EEF1AKMT2: variants seen among roughly 807,000 people sequenced by gnomAD.
The protein encoded by EEF1AKMT2 is EEF1A lysine methyltransferase 2, also known as eukaryotic translation elongation factor 1 alpha lysine methyltransferase 2.
Under a neutral mutation model 35.8 loss-of-function variants are expected in EEF1AKMT2, and 32 were observed. The ratio of observed to expected loss-of-function variants is 0.89; its 90% CI spans 0.67 to 1.20. The LOEUF is 1.20. Among genes scored for constraint, EEF1AKMT2 ranks in the 50% most tolerant of loss-of-function variants. The probability of loss-of-function intolerance (pLI) is 0.00; values close to 1 mark genes in which losing one functional copy is unlikely to be tolerated. For synonymous variants in EEF1AKMT2, 121 were observed against 133.7 expected (o/e 0.91, Z 0.65); for missense variants, 330 against 347.5 (o/e 0.95, Z 0.40).
At position 124,765,557 on chromosome 10, in the gene EEF1AKMT2, T is replaced by C; in HGVS notation, c.451A>G (p.Ile151Val). Residue 151 changes from isoleucine (I) to valine (V), a missense_variant, in exon 5 of 7, where the codon ATT becomes GTT. By Grantham distance (29) the Ile-to-Val change is conservative (BLOSUM62 3). Transcript: ENST00000368836. Reference protein sequence around the residue: ...STQLSGFHICIDKGTFDAISL... With the variant: ...STQLSGFHICVDKGTFDAISL... ...ATGGCATCAAAAGTCCCTTTGTCAA[T>C]ACAAATATGAAATCCAGACAGCTGT... 6.2e-7 allele frequency: 1 copy of C among 1,613,908 alleles called. No individual in the cohort carries two copies. The highest frequency in any genetic ancestry group is 8.5e-7 in the Non-Finnish European group (1 of 1,179,896).
At chr10:124,767,054 G>T (rs530509459) in intron 4 of EEF1AKMT2, among the ~76,000 whole-genome samples, 2 of 150,864 alleles carry the variant, frequency 1.3e-5, no homozygotes, top group East Asian at 3.9e-4. Flanking sequence ...CCAGCTACTC[G>T]GCAGGCTGAG....
intron 3 of EEF1AKMT2, 45 bp from the exon 4 acceptor site, chr10:124,774,827 A>G (rs1181121803): frequency 3.2e-6 from 3 of 949,488 alleles, no homozygotes; most frequent in Admixed American, 6.9e-5. Context: ...TTTTAATATA[A>G]TGTTTTGTTT....
chr10:124,765,000 T>C (rs1277706558), intron 5 of EEF1AKMT2, among the ~76,000 whole-genome samples: 1 of 152,152 alleles, frequency 6.6e-6, no homozygotes, highest in Non-Finnish European at 1.5e-5. Context: ...CTCCTGGGCT[T>C]ATGCGATCCT....
At chr10:124,791,399 C>T (rs924995745) in intron 1 of EEF1AKMT2, among the ~76,000 whole-genome samples, 57 of 152,066 alleles carry the variant, frequency 3.7e-4, no homozygotes, top group African/African-American at 1.4e-3. Flanking sequence ...CAGCCCTATT[C>T]GCCAGCCTCG....
intron 3 of EEF1AKMT2, among the ~76,000 whole-genome samples, chr10:124,779,344 G>A (rs2134135733): frequency 6.6e-6 from 1 of 152,246 alleles, no homozygotes; most frequent in African/African-American, 2.4e-5. Flanking sequence ...TGTTGCCCAG[G>A]CTGGTCTCAA....
intron 3 of EEF1AKMT2, among the ~76,000 whole-genome samples, chr10:124,776,222 C>T (rs1476502920): frequency 6.6e-6 from 1 of 152,114 alleles, no homozygotes; most frequent in Admixed American, 6.6e-5. Context: ...TCTAGTACAA[C>T]TTATAAAAAT....
intron 3 of EEF1AKMT2, among the ~76,000 whole-genome samples, chr10:124,788,274 C>G (rs1278868131): frequency 6.6e-6 from 1 of 152,108 alleles, no homozygotes; most frequent in African/African-American, 2.4e-5. Flanking sequence ...TTCCCTACCC[C>G]TCCACTCCAA....
At position 124,762,571 on chromosome 10, in the gene EEF1AKMT2, GA is replaced by G. The variant is rs1950342184; in HGVS notation, c.617-14del. ...ACTGTACTCCAACCTGGGCAACAGA[GA>G]GAGAGACAGACCGTTTCAAAAACAG... On this transcript the variant is annotated splice_polypyrimidine_tract_variant and intron_variant, in intron 5 of 6. Coordinates refer to ENST00000368836, the MANE Select transcript of EEF1AKMT2 (RefSeq NM_212554.4). The G allele has an allele frequency of 8.6e-7, 1 of 1,161,654 alleles. No homozygotes were observed. The highest frequency in any genetic ancestry group is 1.6e-5 in the African/African-American group (1 of 62,884). 72.0% of individuals were successfully genotyped at this position (1,161,654 alleles called of 1,614,324 possible).
chr10:124,772,585 T>G (rs577187589), intron 4 of EEF1AKMT2, among the ~76,000 whole-genome samples: 1 of 152,010 alleles, frequency 6.6e-6, no homozygotes, highest in Non-Finnish European at 1.5e-5. Flanking sequence ...CCCACCACCA[T>G]GCCCAGCTAA....
rs115410091 is a variant in EEF1AKMT2 at position 124,786,568 on chromosome 10, G to A, written c.291+2475C>T. Among the ~76,000 whole-genome samples, 999 of 151,044 alleles carry A rather than the reference G, an allele frequency of 6.6e-3. 17 individuals are homozygous for A. The highest frequency in any genetic ancestry group is 0.023 in the African/African-American group (957 of 41,128). The stretch of plus-strand genomic sequence containing the variant: ...CTCACACCTATAATACCAGCACTCC[G>A]GGAGGCTGAGGCAGGCAGATGGATT... On this transcript the variant is annotated intron_variant, in intron 3 of 6. Transcript: ENST00000368836.
intron 3 of EEF1AKMT2, among the ~76,000 whole-genome samples, chr10:124,779,234 C>A (rs1028762143): frequency 5.3e-5 from 8 of 152,090 alleles, no homozygotes; most frequent in African/African-American, 1.7e-4. Context: ...CAGGCTCAAG[C>A]GATTCTCCCA....
At chr10:124,764,275 T>A (rs1041928568) in intron 5 of EEF1AKMT2, among the ~76,000 whole-genome samples, 3 of 149,938 alleles carry the variant, frequency 2.0e-5, no homozygotes, top group African/African-American at 7.4e-5. Context: ...TCCTGAAAAT[T>A]TATCCTATCC....
intron 3 of EEF1AKMT2, among the ~76,000 whole-genome samples, chr10:124,784,228 T>C (rs1033883707): frequency 2.6e-5 from 4 of 151,970 alleles, no homozygotes; most frequent in Non-Finnish European, 5.9e-5. Context: ...ATCATACAAA[T>C]CATATAAGGC....
At chr10:124,774,093 C>T (rs1589785305) in intron 4 of EEF1AKMT2, among the ~76,000 whole-genome samples, 3 of 152,232 alleles carry the variant, frequency 2.0e-5, no homozygotes, top group South Asian at 4.1e-4. Flanking sequence ...GTGGGCAGGG[C>T]GCGGTGGCTC....
At position 124,774,593 on chromosome 10, in the gene EEF1AKMT2, G is replaced by A. The variant is rs1950472328; in HGVS notation, c.399+82C>T. 4 of 680,958 alleles carry A rather than the reference G, an allele frequency of 5.9e-6. No individual in the cohort carries two copies. The African/African-American group carries it at 7.5e-5, about 13-fold the overall frequency. The allele number at this position is 680,958 out of a possible 1,614,324, so 42.2% of individuals were successfully genotyped here. ...TATTTATGATTGATCCCTAATTTATGAGTTTAAAACCTGTCAATTAATATG... is the reference window on the plus strand; with the variant it reads ...TATTTATGATTGATCCCTAATTTATAAGTTTAAAACCTGTCAATTAATATG... On this transcript the variant is annotated intron_variant, in intron 4 of 6. Coordinates refer to ENST00000368836, the MANE Select transcript of EEF1AKMT2 (RefSeq NM_212554.4).
rs1384130010 is a variant in EEF1AKMT2 at position 124,759,854 on chromosome 10, T to A, written c.*649A>T. The A allele has an allele frequency of 6.6e-6, 1 of 152,324 alleles. No homozygotes were observed. Among genetic ancestry groups the A allele is most frequent in the Non-Finnish European group, 1.5e-5 (1 of 68,112 alleles). The allele number at this position is 152,324 out of a possible 1,614,324, so 9.4% of individuals were successfully genotyped here. A position where few individuals can be genotyped will look rare whatever the true frequency, so the allele number is the denominator to read the frequency against. On this transcript the variant is annotated 3_prime_UTR_variant, in exon 7 of 7. Transcript: ENST00000368836. ...ATGCAGGCTTGATAACTTGAGCAAC[T>A]GATACATTTCTCTGATTTTGTTTAA...
chr10:124,785,230 G>A (rs1950574395), intron 3 of EEF1AKMT2, among the ~76,000 whole-genome samples: 1 of 110,382 alleles, frequency 9.1e-6, no homozygotes, highest in South Asian at 3.1e-4. Context: ...CTGGGTGACA[G>A]AGCAAGACTC....
intron 5 of EEF1AKMT2, 32 bp from the exon 6 acceptor site, chr10:124,762,590 A>C: frequency 9.3e-7 from 1 of 1,072,956 alleles, no homozygotes; most frequent in Non-Finnish European, 1.2e-6. Context: ...AGACCGTTTC[A>C]AAAACAGAAA....
At chr10:124,782,774 T>C (rs891290861) in intron 3 of EEF1AKMT2, among the ~76,000 whole-genome samples, 4 of 148,098 alleles carry the variant, frequency 2.7e-5, no homozygotes, top group Non-Finnish European at 4.5e-5. Context: ...GATCCCTCCA[T>C]TGCACTCCAG....
Sources: gnomAD v4.1 joint callset for allele counts (sites outside exome capture counted in the v4.1 genomes callset) on GRCh38, gnomAD v4.1.1 for gene constraint, MANE v1.5 for transcripts, NCBI Gene and HGNC (gene_info 2026-07-23, HGNC 2026-07-21) for gene names.